JAG1: variants seen among roughly 807,000 people sequenced by gnomAD.
JAG1 encodes the protein protein jagged-1.
JAG1 carries 23 observed loss-of-function variants against 148.7 expected under a neutral mutation model. The ratio of observed to expected loss-of-function variants is 0.15; its 90% CI spans 0.11 to 0.22. JAG1 has a LOEUF of 0.22. JAG1 is among the 10% of genes least tolerant of loss of function. The probability of loss-of-function intolerance (pLI) is 1.00; values close to 1 mark genes in which losing one functional copy is unlikely to be tolerated. For synonymous variants in JAG1, 572 were observed against 598.3 expected (o/e 0.96, Z 0.64); for missense variants, 1,054 against 1,611.2 (o/e 0.65, Z 5.92).
intron 11 of JAG1, 131 bp downstream of exon 11, chr20:10,648,930 G>C: frequency 1.1e-6 from 1 of 934,670 alleles, no homozygotes; most frequent in Non-Finnish European, 1.7e-6. Context: ...AAGCCCTAGC[G>C]AAACTTCCAA....
At chr20:10,671,116 G>C (rs1011798863) in intron 2 of JAG1, among the ~76,000 whole-genome samples, 5 of 152,094 alleles carry the variant, frequency 3.3e-5, no homozygotes, top group Non-Finnish European at 1.5e-5. Flanking sequence ...CAGATCCTCC[G>C]GCAGGAGGGT....
In JAG1 at chr20:10,638,098, G is replaced by A. The variant is rs1040153505; in HGVS notation, c.*1400C>T. 1.3e-5 allele frequency: 2 copies of A among 152,570 alleles called. No homozygotes were observed. The highest frequency in any genetic ancestry group is 2.9e-5 in the Non-Finnish European group (2 of 68,038). The allele number at this position is 152,570 out of a possible 1,614,324, so 9.5% of individuals were successfully genotyped here. Reference sequence around the variant, plus strand: ...TAGGACAATACAAAGTATCTTCACGGTCTCAATGGTGAACCAACAAGATTA... The same window carrying A: ...TAGGACAATACAAAGTATCTTCACGATCTCAATGGTGAACCAACAAGATTA... On this transcript the variant is annotated 3_prime_UTR_variant, in exon 26 of 26. Coordinates refer to ENST00000254958, the MANE Select transcript of JAG1 (RefSeq NM_000214.3).
chr20:10,672,524 C>A (rs1190860652), intron 2 of JAG1, among the ~76,000 whole-genome samples, 177 bp downstream of exon 2: 1 of 152,152 alleles, frequency 6.6e-6, no homozygotes, highest in Non-Finnish European at 1.5e-5. Context: ...CTCGACTACC[C>A]CAGCCGAGAT....
intron 2 of JAG1, among the ~76,000 whole-genome samples, chr20:10,665,532 C>A (rs1287759727): frequency 6.6e-6 from 1 of 152,172 alleles, no homozygotes; most frequent in African/African-American, 2.4e-5. Context: ...TTTCTTAGGA[C>A]TTCCTGCAAA....
In JAG1 at chr20:10,637,843, C is replaced by CA. The variant is rs1278847953; in HGVS notation, c.*1654dup. 3.3e-5 allele frequency: 5 copies of CA among 152,644 alleles called. No individual in the cohort carries two copies. Among genetic ancestry groups the CA allele is most frequent in the African/African-American group, 1.2e-4 (5 of 41,460 alleles). 9.5% of individuals were successfully genotyped at this position (152,644 alleles called of 1,614,324 possible). A position where few individuals can be genotyped will look rare whatever the true frequency, so the allele number is the denominator to read the frequency against. On this transcript the variant is annotated 3_prime_UTR_variant, in exon 26 of 26. Transcript: ENST00000254958. ...TGAGTTTTGTGGTTGAAAAGCCTTT[C>CA]AGTTCTTCCTCCATCCCTCTGTCAG...
At chr20:10,658,803 C>T in intron 3 of JAG1, 81 bp from the exon 4 acceptor site, 3 of 1,430,112 alleles carry the variant, frequency 2.1e-6, no homozygotes, top group African/African-American at 2.8e-5. Context: ...AAAATAAAAA[C>T]ATATGCACCT....
At chr20:10,650,796 ATT>A in intron 8 of JAG1, 1 of 229,246 alleles carries the variant, frequency 4.4e-6, no homozygotes. Context: ...TAGAGGCTGC[ATT>A]CTCCACTTCT....
At position 10,650,256 on chromosome 20, in the gene JAG1, A is replaced by C. The variant is rs1251596171; in HGVS notation, c.1225T>G (p.Cys409Gly). Residue 409 changes from cysteine to glycine, a missense_variant, in exon 9 of 26, where the codon TGC (cysteine) becomes GGC (glycine). Physicochemically the swap from Cys to Gly is radical, Grantham distance 159. Around this residue, in one of 6 missense-constraint regions of JAG1, gnomAD observed 245 missense variants for 373.1 expected, o/e 0.66. Transcript: ENST00000254958. ...VCPPQWTGKT[C>G]QLDANECEAK... ...ACAGGGATGTTCTTACCTAACTGGCACGTTTTCCCAGTCCACTGTGGGGGG... is the reference window on the plus strand; with the variant it reads ...ACAGGGATGTTCTTACCTAACTGGCCCGTTTTCCCAGTCCACTGTGGGGGG... 6.2e-7 allele frequency: 1 copy of C among 1,610,850 alleles called. No homozygotes were observed. The highest frequency in any genetic ancestry group is 1.7e-5 in the Admixed American group (1 of 60,002).
At position 10,638,980 on chromosome 20, in the gene JAG1, G is replaced by T. The variant is rs183692377; in HGVS notation, c.*518C>A. 3 of 154,876 alleles carry T rather than the reference G, an allele frequency of 1.9e-5. No individual in the cohort carries two copies. In the East Asian group the frequency reaches 5.7e-4, roughly 30 times the overall value. The allele number at this position is 154,876 out of a possible 1,614,324, so 9.6% of individuals were successfully genotyped here. ...TTTACCAGCAACTGCTGACATCAAA[G>T]TCTCCCCTCCCCCAACAACAAAAAT... On this transcript the variant is annotated 3_prime_UTR_variant, in exon 26 of 26. Transcript: ENST00000254958.
At position 10,640,770 on chromosome 20, in the gene JAG1, A is replaced by G. The variant is rs762372882; in HGVS notation, c.3199+13T>C. 19 of 1,613,868 alleles carry G rather than the reference A, an allele frequency of 1.2e-5. No homozygotes were observed. Among genetic ancestry groups the G allele is most frequent in the African/African-American group, 9.3e-5 (7 of 75,026 alleles). On this transcript the variant is annotated intron_variant, in intron 25 of 25. Coordinates refer to ENST00000254958, the MANE Select transcript of JAG1 (RefSeq NM_000214.3). ...TACTATCATCACACAAACTAGTCCC[A>G]CTTGACACCTACCTGTTCTGTTCTT...
At chr20:10,658,336 A>T in intron 4 of JAG1, 132 bp downstream of exon 4, 2 of 1,150,674 alleles carry the variant, frequency 1.7e-6, no homozygotes, top group Non-Finnish European at 2.6e-6. Context: ...GCATCTTCAT[A>T]CTGCAGGCCC....
At chr20:10,664,974 T>C (rs1342871003) in intron 2 of JAG1, among the ~76,000 whole-genome samples, 1 of 152,180 alleles carries the variant, frequency 6.6e-6, no homozygotes, top group Non-Finnish European at 1.5e-5. Context: ...ACACCAGCGT[T>C]TAAATGAAGC....
Position 10,648,089 on chromosome 20 carries a change from G to C in JAG1, c.1591C>G (p.Pro531Ala). 1.2e-6 allele frequency: 2 copies of C among 1,614,174 alleles called. No homozygotes were observed. The highest frequency in any genetic ancestry group is 8.5e-7 in the Non-Finnish European group (1 of 1,180,030). The change falls in exon 13 of 26, where the codon CCT becomes GCT. Residue 531 changes from proline to alanine, a missense_variant. Around this residue, in one of 6 missense-constraint regions of JAG1, gnomAD observed 245 missense variants for 373.1 expected, o/e 0.66. Coordinates refer to ENST00000254958, the MANE Select transcript of JAG1 (RefSeq NM_000214.3). ...LCQLDIDYCE[P>A]NPCQNGAQCY... is the part of the protein sequence containing the mutation. The stretch of plus-strand genomic sequence containing the variant: ...TGGGCACCGTTCTGGCAGGGATTAG[G>C]CTCACAATAATCGATGTCCAGCTGC...
At position 10,672,794 on chromosome 20, in the gene JAG1, G is replaced by C. The variant is rs79338570; in HGVS notation, c.294C>G (p.Ser98=). 9.5e-5 allele frequency: 154 copies of C among 1,613,002 alleles called. No individual in the cohort carries two copies. Among genetic ancestry groups the C allele is most frequent in the Non-Finnish European group, 1.2e-4 (145 of 1,180,020 alleles). Residue 98 remains serine, a synonymous_variant, in exon 2 of 26, where the codon TCC becomes TCG. Coordinates refer to ENST00000254958, the MANE Select transcript of JAG1 (RefSeq NM_000214.3). ...AGGPCSFGSG[S]TPVIGGNTFN... Reference sequence around the variant, plus strand: ...AGGTGTTGCCCCCGATGACAGGCGTGGACCCTGAGCCGAAGCTGCAGGGCC... The same window carrying C: ...AGGTGTTGCCCCCGATGACAGGCGTCGACCCTGAGCCGAAGCTGCAGGGCC...
At position 10,639,399 on chromosome 20, in the gene JAG1, T is replaced by C. The variant is rs1214457578; in HGVS notation, c.*99A>G. 1.2e-5 allele frequency: 13 copies of C among 1,089,356 alleles called. No homozygotes were observed. The highest frequency in any genetic ancestry group is 2.2e-4 in the Middle Eastern group (1 of 4,456). The allele number at this position is 1,089,356 out of a possible 1,614,324, so 67.5% of individuals were successfully genotyped here. On this transcript the variant is annotated 3_prime_UTR_variant, in exon 26 of 26. Coordinates refer to ENST00000254958, the MANE Select transcript of JAG1 (RefSeq NM_000214.3). ...GTCAAAACTTAAATTAACACAGGGA[T>C]TCTAAGTCAGCAACGGCCTCAGACT... is the stretch of plus-strand genomic sequence containing the variant.
chr20:10,672,328 G>T (rs985869173), intron 2 of JAG1, among the ~76,000 whole-genome samples: 3 of 152,192 alleles, frequency 2.0e-5, no homozygotes, highest in Non-Finnish European at 2.9e-5. Flanking sequence ...CTTCCACGGC[G>T]CACCAGGTTT....
intron 12 of JAG1, among the ~76,000 whole-genome samples, chr20:10,648,329 G>A (rs2067323186): frequency 1.3e-5 from 2 of 151,950 alleles, no homozygotes; most frequent in African/African-American, 4.8e-5. Flanking sequence ...GGGGGTGGAG[G>A]GAACCAAAAA....
At chr20:10,660,868 A>T (rs1465323284) in intron 3 of JAG1, among the ~76,000 whole-genome samples, 1 of 152,198 alleles carries the variant, frequency 6.6e-6, no homozygotes, top group East Asian at 1.9e-4. Context: ...CAGTGCCACG[A>T]AGATGAGTCA....
chr20:10,647,818 C>T lies in JAG1; in HGVS notation c.1720+142G>A, dbSNP rs148102695. 1.2e-4 allele frequency: 115 copies of T among 925,660 alleles called. No individual in the cohort carries two copies. In the East Asian group the frequency reaches 2.8e-3, roughly 23 times the overall value. 57.3% of individuals were successfully genotyped at this position (925,660 alleles called of 1,614,324 possible). ...TAGATTGTTTCCACGTGTTGCGGCCCGCTACACAGGCAGGATCATTTCACT... is the reference window on the plus strand; with the variant it reads ...TAGATTGTTTCCACGTGTTGCGGCCTGCTACACAGGCAGGATCATTTCACT... On this transcript the variant is annotated intron_variant, in intron 13 of 25. Coordinates refer to ENST00000254958, the MANE Select transcript of JAG1 (RefSeq NM_000214.3).
Sources: gnomAD v4.1 joint callset for allele counts (sites outside exome capture counted in the v4.1 genomes callset) on GRCh38, gnomAD v4.1.1 for gene constraint, gnomAD v4.1.1 regional missense constraint, MANE v1.5 for transcripts, NCBI Gene and HGNC (gene_info 2026-07-23, HGNC 2026-07-21) for gene names.